CFAP58: variants seen among roughly 807,000 people sequenced by gnomAD.
CFAP58 encodes the protein cilia- and flagella-associated protein 58.
A neutral mutation model predicts 119.5 loss-of-function variants in CFAP58; 88 were observed. That is an observed-to-expected ratio of 0.74 (90% CI 0.62 to 0.88). CFAP58 has a LOEUF of 0.88. Ranked by LOEUF, CFAP58 falls within the 40% of genes least tolerant of loss-of-function variation. CFAP58 has a pLI of 0.00. For synonymous variants in CFAP58, 365 were observed against 366.3 expected (o/e 1.00, Z 0.04); for missense variants, 990 against 1,021.2 (o/e 0.97, Z 0.42).
chr10:104,451,538 C>A (rs959509491), intron 17 of CFAP58, among the ~76,000 whole-genome samples: 1 of 152,196 alleles, frequency 6.6e-6, no homozygotes, highest in Non-Finnish European at 1.5e-5. Context: ...ATAAGCTTCT[C>A]AGGTGATTTT....
At chr10:104,351,720 T>C (rs1218624449), upstream of CFAP58, 7 of 151,922 alleles carry the variant, frequency 4.6e-5, no homozygotes, top group Non-Finnish European at 1.0e-4. Context: ...ATGAAGCTAA[T>C]GGATAGAAAA....
chr10:104,423,229 C>T (rs550099988), intron 15 of CFAP58, among the ~76,000 whole-genome samples: 24 of 152,254 alleles, frequency 1.6e-4, no homozygotes, highest in African/African-American at 5.5e-4. Flanking sequence ...TATTCCCATG[C>T]ATTTGGAAAC....
chr10:104,393,747 A>G (rs1233258318), intron 11 of CFAP58, among the ~76,000 whole-genome samples: 1 of 152,222 alleles, frequency 6.6e-6, no homozygotes, highest in Non-Finnish European at 1.5e-5. Flanking sequence ...GCAGGCTATC[A>G]TACATCAGTG....
chr10:104,401,950 T>C (rs139999821), intron 13 of CFAP58, among the ~76,000 whole-genome samples: 2 of 152,324 alleles, frequency 1.3e-5, no homozygotes, highest in Non-Finnish European at 2.9e-5. Flanking sequence ...TATCGAATAG[T>C]CTCCAAACCA....
intron 10 of CFAP58, among the ~76,000 whole-genome samples, 198 bp downstream of exon 10, chr10:104,392,592 G>T (rs974153411): frequency 6.6e-6 from 1 of 151,004 alleles, no homozygotes; most frequent in East Asian, 1.9e-4. Context: ...TGGAGATCAT[G>T]GTCCTACTTT....
Position 104,371,026 on chromosome 10 carries a change from A to G in CFAP58, c.1062A>G (p.Leu354=), listed in dbSNP as rs773830776. The change falls in exon 7 of 18, where the codon CTA becomes CTG. Residue 354 remains leucine, a synonymous_variant. Coordinates refer to ENST00000369704, the MANE Select transcript of CFAP58 (RefSeq NM_001008723.2). ...KAEVEQHKET[L]KNQIVGLERE... is the part of the protein sequence containing the mutation. Reference sequence around the variant, plus strand: ...AAGTCGAACAGCACAAAGAAACCCTAAAAAATCAGATTGTGGGATTAGAGA... The same window carrying G: ...AAGTCGAACAGCACAAAGAAACCCTGAAAAATCAGATTGTGGGATTAGAGA... 13 of 1,610,714 alleles carry G rather than the reference A, an allele frequency of 8.1e-6. No homozygotes were observed. The highest frequency in any genetic ancestry group is 1.3e-5 in the African/African-American group (1 of 74,748).
chr10:104,358,255 T>TAG, intron 1 of CFAP58, 86 bp from the exon 2 acceptor site: 1 of 1,380,402 alleles, frequency 7.2e-7, no homozygotes, highest in South Asian at 1.4e-5. Flanking sequence ...TGGAGGTGTT[T>TAG]CATTCAGAGG....
Position 104,364,771 on chromosome 10 carries a change from A to G in CFAP58, c.479A>G (p.Lys160Arg), listed in dbSNP as rs1179473447. 5 of 1,613,142 alleles carry G rather than the reference A, an allele frequency of 3.1e-6. No homozygotes were observed. Among genetic ancestry groups the G allele is most frequent in the Non-Finnish European group, 4.2e-6 (5 of 1,179,570 alleles). Reference sequence around the variant, plus strand: ...CTGAGGTTCAAAGAAGAAGTGACAAAGGAGAGAGACCAGCTCTTATCAGAA... The same window carrying G: ...CTGAGGTTCAAAGAAGAAGTGACAAGGGAGAGAGACCAGCTCTTATCAGAA... The part of the protein sequence containing the change: ...DLLRFKEEVT[K>R]ERDQLLSEVV... Residue 160 changes from lysine to arginine, a missense_variant, in exon 4 of 18, where the codon AAG becomes AGG. Coordinates refer to ENST00000369704, the MANE Select transcript of CFAP58 (RefSeq NM_001008723.2).
the CFAP58 span, among the ~76,000 whole-genome samples, chr10:104,338,616 C>A: frequency 6.6e-6 from 1 of 152,194 alleles, no homozygotes; most frequent in Non-Finnish European, 1.5e-5. Context: ...CCAGAAACTT[C>A]CCCGGCACGG....
chr10:104,379,909 A>G (rs2011748674), intron 8 of CFAP58, 120 bp from the exon 9 acceptor site: 1 of 905,294 alleles, frequency 1.1e-6, no homozygotes, highest in Non-Finnish European at 1.7e-6. Context: ...GAATATGATC[A>G]TTTTTATTCA....
At chr10:104,443,100 C>T (rs2013065535) in intron 15 of CFAP58, among the ~76,000 whole-genome samples, 1 of 152,138 alleles carries the variant, frequency 6.6e-6, no homozygotes, top group Admixed American at 6.5e-5. Context: ...AGAGATTCAC[C>T]ATGGTTCTGG....
rs146959608 is a variant in CFAP58 at position 104,366,487 on chromosome 10, T to C, written c.792+479T>C. Among the ~76,000 whole-genome samples, 313 of 152,358 alleles carry C rather than the reference T, an allele frequency of 2.1e-3. 1 individual carries two copies. The highest frequency in any genetic ancestry group is 0.015 in the South Asian group (72 of 4,824). Reference sequence around the variant, plus strand: ...CTTTATACTTTACAGAAATAAAATATTACAGGATATATTCTTTGTGTCTAA... The same window carrying C: ...CTTTATACTTTACAGAAATAAAATACTACAGGATATATTCTTTGTGTCTAA... On this transcript the variant is annotated intron_variant, in intron 5 of 17. Coordinates refer to ENST00000369704, the MANE Select transcript of CFAP58 (RefSeq NM_001008723.2).
chr10:104,442,529 A>C (rs763654710), intron 15 of CFAP58, among the ~76,000 whole-genome samples: 31 of 151,392 alleles, frequency 2.0e-4, no homozygotes, highest in Non-Finnish European at 2.9e-5. Flanking sequence ...TGGAGGTTGC[A>C]GTGAGCCGAG....
chr10:104,438,361 GT>G (rs1335704197), intron 15 of CFAP58, among the ~76,000 whole-genome samples: 965 of 59,296 alleles, frequency 0.016, 29 homozygotes, highest in East Asian at 0.11. Flanking sequence ...TTTTTTTTTT[GT>G]TTTTTTTTTT....
intron 16 of CFAP58, among the ~76,000 whole-genome samples, chr10:104,449,450 C>T (rs1374694940): frequency 6.6e-6 from 1 of 152,148 alleles, no homozygotes; most frequent in Admixed American, 6.5e-5. Context: ...AGTGAATTCC[C>T]ACTCTTCTTG....
chr10:104,425,265 A>T (rs1292903111), intron 15 of CFAP58, among the ~76,000 whole-genome samples: 1 of 152,242 alleles, frequency 6.6e-6, no homozygotes, highest in African/African-American at 2.4e-5. Context: ...TGAAAAGGGC[A>T]TTTCAGGCTG....
chr10:104,382,561 T>C (rs1011772178), intron 9 of CFAP58, among the ~76,000 whole-genome samples: 4 of 152,226 alleles, frequency 2.6e-5, no homozygotes, highest in Non-Finnish European at 5.9e-5. Flanking sequence ...AATTACATGT[T>C]GATACGGTTT....
intron 11 of CFAP58, among the ~76,000 whole-genome samples, chr10:104,398,308 T>C (rs2012200539): frequency 6.6e-6 from 1 of 152,226 alleles, no homozygotes; most frequent in East Asian, 1.9e-4. Context: ...GTGGTGACAA[T>C]AGAAGGAGCA....
At chr10:104,377,856 T>C (rs1230960484) in intron 8 of CFAP58, among the ~76,000 whole-genome samples, 1 of 152,250 alleles carries the variant, frequency 6.6e-6, no homozygotes, top group Non-Finnish European at 1.5e-5. Context: ...AAGAAAATCA[T>C]TGAAGTGTTT....
Sources: gnomAD v4.1 joint callset for allele counts (sites outside exome capture counted in the v4.1 genomes callset) on GRCh38, gnomAD v4.1.1 for gene constraint, MANE v1.5 for transcripts, NCBI Gene and HGNC (gene_info 2026-07-23, HGNC 2026-07-21) for gene names.